The following WDR64 variants were observed in gnomAD, a reference collection of about 807,000 sequenced individuals.
The protein encoded by WDR64 is WD repeat-containing protein 64.
WDR64 carries 112 observed loss-of-function variants against 139.3 expected under a neutral mutation model. The observed-to-expected ratio is 0.80, with a 90% CI of 0.69 to 0.94. The LOEUF is 0.94. Ranked by LOEUF, WDR64 falls within the 40% of genes least tolerant of loss-of-function variation. The pLI is 0.00. For synonymous variants in WDR64, 444 were observed against 437.7 expected, an observed-to-expected ratio of 1.01 and a Z score of -0.18; for missense variants, 1,206 against 1,293.1, an observed-to-expected ratio of 0.93 and a Z score of 1.03.
At position 241,801,319 on chromosome 1, in the gene WDR64, T is replaced by G; in HGVS notation, c.*104T>G. Reference sequence around the variant, plus strand: ...GGGAGAAACCACCAGACACTATCAGTCATCTCTGGTGTCAGGCCATCCTAT... The same window carrying G: ...GGGAGAAACCACCAGACACTATCAGGCATCTCTGGTGTCAGGCCATCCTAT... On this transcript the variant is annotated 3_prime_UTR_variant, in exon 28 of 28. Coordinates refer to ENST00000437684, the MANE Select transcript of WDR64 (RefSeq NM_001367482.1). The G allele has an allele frequency of 1.0e-6, 1 of 1,001,566 alleles. No homozygotes were observed. Among genetic ancestry groups the G allele is most frequent in the Non-Finnish European group, 1.5e-6 (1 of 653,852 alleles). 62.0% of individuals were successfully genotyped at this position (1,001,566 alleles called of 1,614,324 possible).
At position 241,660,539 on chromosome 1, in the gene WDR64, G is replaced by C. The variant is rs1558458597; in HGVS notation, c.155G>C (p.Gly52Ala). 6.4e-7 allele frequency: 1 copy of C among 1,551,576 alleles called. No homozygotes were observed. The highest frequency in any genetic ancestry group is 8.7e-7 in the Non-Finnish European group (1 of 1,146,740). The change falls in exon 2 of 28, where the codon GGT becomes GCT. Residue 52 changes from glycine (G) to alanine (A), a missense_variant. Gly to Ala is a moderately conservative substitution (Grantham distance 60, BLOSUM62 0). Coordinates refer to ENST00000437684, the MANE Select transcript of WDR64 (RefSeq NM_001367482.1). Reference protein sequence around the residue: ...GLFIHKEDAIGYDKFYASVQK... With the variant: ...GLFIHKEDAIAYDKFYASVQK... ...ACTTTTTTCAATGCAGATGCAATTG[G>C]TTATGACAAGTTTTATGCATCGGTA...
At chr1:241,717,079 G>T (rs1346242520) in intron 9 of WDR64, among the ~76,000 whole-genome samples, 1 of 152,170 alleles carries the variant, frequency 6.6e-6, no homozygotes, top group Non-Finnish European at 1.5e-5. Flanking sequence ...CAAGGCTTAG[G>T]TTCTGAACAT....
chr1:241,771,959 T>TAC (rs1658467909), intron 19 of WDR64, among the ~76,000 whole-genome samples: 1 of 87,746 alleles, frequency 1.1e-5, no homozygotes, highest in African/African-American at 5.5e-5. Context: ...TATATATATA[T>TAC]ATATATATAT....
At chr1:241,717,907 T>C (rs1038078788) in intron 9 of WDR64, among the ~76,000 whole-genome samples, 7 of 152,266 alleles carry the variant, frequency 4.6e-5, no homozygotes, top group Non-Finnish European at 8.8e-5. Context: ...TAGTTTACGG[T>C]CCAGAAACTG....
intron 8 of WDR64, among the ~76,000 whole-genome samples, chr1:241,691,769 T>G (rs1307555484): frequency 1.3e-5 from 2 of 152,146 alleles, no homozygotes; most frequent in East Asian, 3.9e-4. Context: ...ATCCCAGCAC[T>G]TTGGGGGGCC....
intron 25 of WDR64, among the ~76,000 whole-genome samples, chr1:241,792,710 A>G (rs1209204254): frequency 2.0e-5 from 3 of 152,220 alleles, no homozygotes; most frequent in Non-Finnish European, 4.4e-5. Context: ...CTTCCTCCAC[A>G]GAAGCCAGAT....
chr1:241,750,553 C>T (rs774007568), intron 14 of WDR64, among the ~76,000 whole-genome samples: 3 of 152,180 alleles, frequency 2.0e-5, no homozygotes, highest in Admixed American at 1.3e-4. Flanking sequence ...CTACAATGAA[C>T]GAAATGTTGA....
chr1:241,784,693 C>A (rs755045576), intron 23 of WDR64, among the ~76,000 whole-genome samples: 6 of 151,954 alleles, frequency 3.9e-5, no homozygotes, highest in Non-Finnish European at 8.8e-5. Flanking sequence ...TGGTGGCTCA[C>A]GCCTGTAATC....
intron 10 of WDR64, among the ~76,000 whole-genome samples, chr1:241,730,733 A>G (rs1669045739): frequency 6.6e-6 from 1 of 152,208 alleles, no homozygotes; most frequent in African/African-American, 2.4e-5. Flanking sequence ...TTGAGAGTGC[A>G]TTAGGCTCTG....
At chr1:241,777,720 A>G (rs1658710495) in intron 21 of WDR64, among the ~76,000 whole-genome samples, 1 of 152,042 alleles carries the variant, frequency 6.6e-6, no homozygotes, top group Admixed American at 6.6e-5. Context: ...GCTTGGCCTC[A>G]CCTTTATTTA....
rs2148284724 is a variant in WDR64 at position 241,761,614 on chromosome 1, C to T, written c.1947+4155C>T. On this transcript the variant is annotated intron_variant, in intron 15 of 27. Transcript: ENST00000437684. ...GGAAGATATATTATGGATATTAGTC[C>T]TTTTTGAAAAATTTCTCGGTAGCAT... is the stretch of plus-strand genomic sequence containing the variant. 4.0e-5 allele frequency among the ~76,000 whole-genome samples: 6 copies of T among 150,906 alleles called. 1 individual carries two copies. In the South Asian group the frequency reaches 1.3e-3, roughly 32 times the overall value.
chr1:241,787,041 C>T (rs1659060775), intron 23 of WDR64, among the ~76,000 whole-genome samples: 1 of 152,022 alleles, frequency 6.6e-6, no homozygotes, highest in African/African-American at 2.4e-5. Flanking sequence ...AGTTTGCAGA[C>T]TACAGTCTAA....
At chr1:241,687,671 T>C in intron 8 of WDR64, 76 bp downstream of exon 8, 6 of 1,418,362 alleles carry the variant, frequency 4.2e-6, no homozygotes, top group Non-Finnish European at 4.8e-6. Context: ...ATGACAGCTT[T>C]GAAACTTTCA....
rs145623024 is a variant in WDR64 at position 241,686,442 on chromosome 1, C to T, written c.840-1019C>T. 6.0e-3 allele frequency among the ~76,000 whole-genome samples: 914 copies of T among 152,282 alleles called. 3 individuals are homozygous for T. The highest frequency in any genetic ancestry group is 8.6e-3 in the Non-Finnish European group (588 of 68,024). On this transcript the variant is annotated intron_variant, in intron 7 of 27. Coordinates refer to ENST00000437684, the MANE Select transcript of WDR64 (RefSeq NM_001367482.1). ...AATGTCATATTGTAGAACTTTCATG[C>T]CTTGAGCTGTAAACATTTCTATTCC...
At chr1:241,794,076 G>A (rs1017328176) in intron 25 of WDR64, among the ~76,000 whole-genome samples, 1 of 151,996 alleles carries the variant, frequency 6.6e-6, no homozygotes, top group Non-Finnish European at 1.5e-5. Flanking sequence ...AGCTACTTGG[G>A]AGGCTGAGGC....
chr1:241,784,959 A>G (rs1415601231), intron 23 of WDR64, among the ~76,000 whole-genome samples: 5 of 103,884 alleles, frequency 4.8e-5, no homozygotes, highest in South Asian at 2.3e-4. Flanking sequence ...GTCTGAAAAA[A>G]AAAAAAAAAA....
At chr1:241,691,506 C>T (rs1433141807) in intron 8 of WDR64, among the ~76,000 whole-genome samples, 3 of 152,068 alleles carry the variant, frequency 2.0e-5, no homozygotes, top group Admixed American at 6.5e-5. Context: ...CAAAAGAAAA[C>T]AGGAGTTACT....
At chr1:241,792,948 T>C (rs942709791) in intron 25 of WDR64, among the ~76,000 whole-genome samples, 1 of 152,216 alleles carries the variant, frequency 6.6e-6, no homozygotes. Flanking sequence ...AAGTGCAGTT[T>C]GCAATAGCAA....
intron 10 of WDR64, among the ~76,000 whole-genome samples, chr1:241,727,021 G>C (rs1668870578): frequency 6.6e-6 from 1 of 151,936 alleles, no homozygotes; most frequent in African/African-American, 2.4e-5. Context: ...CAAGTAGCTG[G>C]GATTACAGGC....
Sources: allele counts gnomAD v4.1 joint callset (sites outside exome capture counted in the v4.1 genomes callset), GRCh38; gene constraint gnomAD v4.1.1; transcripts MANE v1.5; gene names NCBI Gene and HGNC (gene_info 2026-07-23, HGNC 2026-07-21).